CNBD1: variants seen among roughly 807,000 people sequenced by gnomAD.
CNBD1 encodes cyclic nucleotide binding domain containing 1.
Under a neutral mutation model 54.4 loss-of-function variants are expected in CNBD1, and 71 were observed. The observed-to-expected ratio is 1.30, with a 90% CI of 1.08 to 1.59. CNBD1 has a LOEUF of 1.59. Ranked by LOEUF, CNBD1 falls within the 40% of genes most tolerant of loss-of-function variation. The probability of loss-of-function intolerance (pLI) is 0.00; values close to 1 mark genes in which losing one functional copy is unlikely to be tolerated. For synonymous variants in CNBD1, 182 were observed against 170.7 expected, an observed-to-expected ratio of 1.07 and a Z score of -0.51; for missense variants, 659 against 518.0, an observed-to-expected ratio of 1.27 and a Z score of -2.64.
intron 4 of CNBD1, among the ~76,000 whole-genome samples, chr8:87,091,781 G>C (rs1811206766): frequency 6.8e-6 from 1 of 146,084 alleles, no homozygotes; most frequent in Non-Finnish European, 1.5e-5. Context: ...AAAGGAGGTA[G>C]AGCAATTTTA....
intron 6 of CNBD1, among the ~76,000 whole-genome samples, chr8:87,278,529 AG>A (rs1345647159): frequency 6.6e-6 from 1 of 151,658 alleles, no homozygotes; most frequent in Non-Finnish European, 1.5e-5. Flanking sequence ...CAGGAAAAAA[AG>A]TAACTTCTGA....
At chr8:87,296,613 A>G (rs1449972585) in intron 8 of CNBD1, among the ~76,000 whole-genome samples, 1 of 77,356 alleles carries the variant, frequency 1.3e-5, no homozygotes, top group East Asian at 2.2e-4. Context: ...TGGTATATAT[A>G]TATACACATA....
At chr8:87,090,529 C>T (rs2130678435) in intron 4 of CNBD1, among the ~76,000 whole-genome samples, 1 of 152,276 alleles carries the variant, frequency 6.6e-6, no homozygotes. Flanking sequence ...TAAGTGTCTA[C>T]AACAGCATTC....
At chr8:87,385,614 G>T (rs192760075), downstream of CNBD1, among the ~76,000 whole-genome samples, 4 of 152,118 alleles carry the variant, frequency 2.6e-5, no homozygotes, top group Non-Finnish European at 5.9e-5. Context: ...AAACAAAGTG[G>T]CTGGGAAGCT....
At position 87,033,335 on chromosome 8, in the gene CNBD1, A is replaced by T. The variant is rs1472865794; in HGVS notation, c.431+93581A>T. Among the ~76,000 whole-genome samples the T allele has an allele frequency of 7.9e-5, 12 of 151,564 alleles. 1 individual carries two copies. Among genetic ancestry groups the T allele is most frequent in the Admixed American group, 5.9e-4 (9 of 15,232 alleles). ...CTTCAGTGCCTTTGGTGTAGAACTC[A>T]TGAAGTTCTGGGTCACCAAGGTCAT... On this transcript the variant is annotated intron_variant, in intron 4 of 10. Transcript: ENST00000518476.
chr8:87,350,110 GATAC>G (rs1261093151), intron 8 of CNBD1, among the ~76,000 whole-genome samples: 1 of 152,070 alleles, frequency 6.6e-6, no homozygotes, highest in African/African-American at 2.4e-5. Flanking sequence ...ACTAAAAGAA[GATAC>G]ATAGTTTCTA....
intron 4 of CNBD1, among the ~76,000 whole-genome samples, chr8:86,981,179 G>A (rs183836847): frequency 7.4e-4 from 113 of 152,318 alleles, no homozygotes; most frequent in African/African-American, 2.5e-3. Flanking sequence ...GTCTGTGTGC[G>A]TGCGCGCGCG....
rs373308399 is a variant in CNBD1 at position 87,241,419 on chromosome 8, T to C, written c.771+4307T>C. 4.4e-3 allele frequency among the ~76,000 whole-genome samples: 668 copies of C among 151,992 alleles called. 4 individuals are homozygous for C. Among genetic ancestry groups the C allele is most frequent in the South Asian group, 0.013 (62 of 4,774 alleles). On this transcript the variant is annotated intron_variant, in intron 6 of 10. Coordinates refer to ENST00000518476, the MANE Select transcript of CNBD1 (RefSeq NM_173538.3). Reference sequence around the variant, plus strand: ...CCCAGTAGCTGGGACTACAGGGGCCTGCCACCACGCCTGGCTAATTTTTTT... The same window carrying C: ...CCCAGTAGCTGGGACTACAGGGGCCCGCCACCACGCCTGGCTAATTTTTTT...
At chr8:87,321,513 A>G (rs918976626) in intron 8 of CNBD1, among the ~76,000 whole-genome samples, 1 of 152,082 alleles carries the variant, frequency 6.6e-6, no homozygotes, top group Non-Finnish European at 1.5e-5. Flanking sequence ...ATCTATTCAA[A>G]TCTCTTGCCC....
chr8:86,957,400 A>G lies in CNBD1; in HGVS notation c.431+17646A>G, dbSNP rs2130461012. On this transcript the variant is annotated intron_variant, in intron 4 of 10. Transcript: ENST00000518476. ...TATTGATTGGAAGCATTTCAGAAGG[A>G]ATGGTACCAGCTCCTCTTTGTACCT... Among the ~76,000 whole-genome samples the G allele has an allele frequency of 1.3e-5, 2 of 152,288 alleles. 1 individual carries two copies. Among genetic ancestry groups the G allele is most frequent in the East Asian group, 3.9e-4 (2 of 5,174 alleles).
At chr8:87,059,987 C>A (rs1164728717) in intron 4 of CNBD1, among the ~76,000 whole-genome samples, 1 of 152,196 alleles carries the variant, frequency 6.6e-6, no homozygotes, top group African/African-American at 2.4e-5. Context: ...CCTTAGAAGC[C>A]TGCCCTAGGG....
At chr8:87,156,039 G>A (rs534063864) in intron 4 of CNBD1, among the ~76,000 whole-genome samples, 10 of 151,912 alleles carry the variant, frequency 6.6e-5, no homozygotes, top group African/African-American at 2.2e-4. Context: ...TAACATTTAC[G>A]GGGCAGTTGA....
chr8:87,121,002 GA>G (rs1811878326), intron 4 of CNBD1, among the ~76,000 whole-genome samples: 1 of 151,854 alleles, frequency 6.6e-6, no homozygotes, highest in African/African-American at 2.4e-5. Flanking sequence ...CTTAAATGTT[GA>G]TAATATTTTA....
At chr8:87,007,397 C>A (rs552020370) in intron 4 of CNBD1, among the ~76,000 whole-genome samples, 54 of 151,578 alleles carry the variant, frequency 3.6e-4, no homozygotes, top group Non-Finnish European at 6.5e-4. Context: ...CTTGTGCATA[C>A]CTTTGTATTA....
At chr8:86,955,206 C>T (rs900625562) in intron 4 of CNBD1, among the ~76,000 whole-genome samples, 3 of 152,104 alleles carry the variant, frequency 2.0e-5, no homozygotes, top group Non-Finnish European at 4.4e-5. Context: ...TGTATATGTG[C>T]TACATTTTCT....
intron 4 of CNBD1, among the ~76,000 whole-genome samples, chr8:87,150,993 A>T: frequency 6.6e-6 from 1 of 152,238 alleles, no homozygotes; most frequent in Non-Finnish European, 1.5e-5. Flanking sequence ...ATCTTCAGGA[A>T]GAAGCCTATC....
chr8:87,369,870 C>G (rs1189935006), intron 10 of CNBD1, among the ~76,000 whole-genome samples: 1 of 151,964 alleles, frequency 6.6e-6, no homozygotes, highest in Non-Finnish European at 1.5e-5. Context: ...TATGCTATCC[C>G]TCCCCACTCC....
rs1811105844 is a variant in CNBD1 at position 87,382,708 on chromosome 8, A to G, written c.*81A>G. On this transcript the variant is annotated 3_prime_UTR_variant, in exon 11 of 11. Transcript: ENST00000518476. ...ATAATTGCATTCTGGAATACTATCA[A>G]ACTACCAGCAATGAATTTGGTCTAT... is the stretch of plus-strand genomic sequence containing the variant. 2 of 1,071,032 alleles carry G rather than the reference A, an allele frequency of 1.9e-6. No individual in the cohort carries two copies. The highest frequency in any genetic ancestry group is 2.2e-5 in the Admixed American group (1 of 46,152). 66.3% of individuals were successfully genotyped at this position (1,071,032 alleles called of 1,614,324 possible). A position where few individuals can be genotyped will look rare whatever the true frequency, so the allele number is the denominator to read the frequency against.
At chr8:87,424,284 G>C (rs998253829) in intron 2 of CNBD1, among the ~76,000 whole-genome samples, 5 of 151,776 alleles carry the variant, frequency 3.3e-5, no homozygotes, top group Non-Finnish European at 7.4e-5. Context: ...CTTCAGTTCT[G>C]CTCTGATTTT....
Sources: gnomAD v4.1 joint callset for allele counts (sites outside exome capture counted in the v4.1 genomes callset) on GRCh38, gnomAD v4.1.1 for gene constraint, MANE v1.5 for transcripts, NCBI Gene and HGNC (gene_info 2026-07-23, HGNC 2026-07-21) for gene names.